Variants in NAALADL2 observed in about 807,000 individuals in gnomAD.
The protein encoded by NAALADL2 is N-acetylated alpha-linked acidic dipeptidase like 2.
NAALADL2 carries 76 observed loss-of-function variants against 87.2 expected under a neutral mutation model. The observed-to-expected ratio is 0.87, with a 90% CI of 0.72 to 1.05. The LOEUF is 1.05. Ranked by LOEUF, NAALADL2 falls within the 50% of genes least tolerant of loss-of-function variation. NAALADL2 has a pLI of 0.00. For missense variants in NAALADL2, 1,089 were observed against 945.8 expected (o/e 1.15, Z -1.99); for synonymous variants, 354 against 331.0 (o/e 1.07, Z -0.75).
At chr3:175,486,730 T>C (rs945645292) in intron 9 of NAALADL2, among the ~76,000 whole-genome samples, 5 of 151,212 alleles carry the variant, frequency 3.3e-5, no homozygotes, top group Admixed American at 1.3e-4. Flanking sequence ...ATATGAAATG[T>C]TTTTTTTTCT....
chr3:175,460,735 A>C (rs1353077991), intron 6 of NAALADL2, among the ~76,000 whole-genome samples: 2 of 152,212 alleles, frequency 1.3e-5, no homozygotes, highest in Non-Finnish European at 2.9e-5. Flanking sequence ...TTTGCCGCAT[A>C]TTCAGAAGTT....
intron 1 of NAALADL2, among the ~76,000 whole-genome samples, chr3:174,986,312 AAT>A (rs949679427): frequency 3.4e-5 from 5 of 148,090 alleles, no homozygotes; most frequent in Admixed American, 6.8e-5. Flanking sequence ...ATATATACAC[AAT>A]ATATATATAC....
chr3:174,830,017 C>A, intron 3 of NAALADL2, among the ~76,000 whole-genome samples: 2 of 125,664 alleles, frequency 1.6e-5, no homozygotes, highest in African/African-American at 6.4e-5. Context: ...TGGATATTAG[C>A]CCTTTGTCAG....
At chr3:175,293,494 T>C (rs896316042) in intron 4 of NAALADL2, among the ~76,000 whole-genome samples, 3 of 152,214 alleles carry the variant, frequency 2.0e-5, no homozygotes, top group African/African-American at 7.2e-5. Flanking sequence ...GTACATTTTT[T>C]TGAGCAACAA....
At chr3:175,291,656 T>A (rs1205174766) in intron 4 of NAALADL2, among the ~76,000 whole-genome samples, 1 of 152,224 alleles carries the variant, frequency 6.6e-6, no homozygotes, top group South Asian at 2.1e-4. Flanking sequence ...ATGTAACATA[T>A]AAGAGCTTTA....
intron 10 of NAALADL2, among the ~76,000 whole-genome samples, chr3:175,622,876 G>A (rs1726424450): frequency 6.6e-6 from 1 of 152,054 alleles, no homozygotes; most frequent in Non-Finnish European, 1.5e-5. Context: ...CAAGGTTTTA[G>A]TAATCTTAAA....
At chr3:175,673,536 T>G (rs1734288341) in intron 11 of NAALADL2, among the ~76,000 whole-genome samples, 1 of 146,072 alleles carries the variant, frequency 6.8e-6, no homozygotes, top group Admixed American at 6.6e-5. Context: ...ACTTTTTTTT[T>G]GTATTTTTTG....
intron 2 of NAALADL2, among the ~76,000 whole-genome samples, chr3:175,226,298 A>G (rs1744148016): frequency 6.6e-6 from 1 of 152,102 alleles, no homozygotes; most frequent in African/African-American, 2.4e-5. Flanking sequence ...TGTGAAATTC[A>G]TTCTATTGTA....
chr3:175,611,738 G>T (rs544915064), intron 10 of NAALADL2, among the ~76,000 whole-genome samples: 1 of 152,106 alleles, frequency 6.6e-6, no homozygotes, highest in Non-Finnish European at 1.5e-5. Flanking sequence ...AAAGGAAATA[G>T]TCTGTTCTAT....
At chr3:174,628,211 C>T (rs991549619) in intron 2 of NAALADL2, among the ~76,000 whole-genome samples, 12 of 152,254 alleles carry the variant, frequency 7.9e-5, no homozygotes, top group African/African-American at 2.9e-4. Context: ...GTCGTTGTGG[C>T]TCACGCTTGT....
At chr3:175,498,992 A>G (rs55946460) in intron 9 of NAALADL2, among the ~76,000 whole-genome samples, 10 of 152,064 alleles carry the variant, frequency 6.6e-5, no homozygotes, top group African/African-American at 2.2e-4. Context: ...TAAATTTACC[A>G]TGCTATGAAT....
chr3:175,439,463 C>T (rs191269026), intron 5 of NAALADL2, among the ~76,000 whole-genome samples: 28 of 151,818 alleles, frequency 1.8e-4, no homozygotes, highest in African/African-American at 6.0e-4. Flanking sequence ...CCACCAACAG[C>T]GTACAAGGGT....
At chr3:175,611,482 G>C (rs993032111) in intron 10 of NAALADL2, among the ~76,000 whole-genome samples, 1 of 151,924 alleles carries the variant, frequency 6.6e-6, no homozygotes, top group African/African-American at 2.4e-5. Flanking sequence ...GCAGGAAATT[G>C]GGTCCAAGTT....
intron 4 of NAALADL2, among the ~76,000 whole-genome samples, chr3:175,300,708 T>G (rs1262411283): frequency 1.3e-5 from 2 of 151,518 alleles, no homozygotes; most frequent in East Asian, 3.9e-4. Flanking sequence ...TAGCAGTCTA[T>G]TTTGTTAATA....
intron 5 of NAALADL2, among the ~76,000 whole-genome samples, chr3:175,380,746 C>T (rs6779521): frequency 0.59 from 89,487 of 151,448 alleles, 26,641 homozygotes; most frequent in African/African-American, 0.65. Flanking sequence ...AAAAAATATA[C>T]TGTCTGAAAG....
At chr3:174,839,526 C>T (rs1723761616) in intron 3 of NAALADL2, among the ~76,000 whole-genome samples, 2 of 151,788 alleles carry the variant, frequency 1.3e-5, no homozygotes, top group South Asian at 4.1e-4. Flanking sequence ...CTTTTGCATG[C>T]CAAAAAGAAC....
intron 12 of NAALADL2, among the ~76,000 whole-genome samples, chr3:175,738,464 C>G (rs376731248): frequency 6.6e-6 from 1 of 152,136 alleles, no homozygotes; most frequent in African/African-American, 2.4e-5. Context: ...CCAGGCTGGT[C>G]GCAAATTACT....
intron 1 of NAALADL2, among the ~76,000 whole-genome samples, chr3:175,044,193 T>G (rs990269771): frequency 6.6e-5 from 10 of 152,114 alleles, no homozygotes; most frequent in African/African-American, 2.4e-4. Flanking sequence ...AGAAACACAG[T>G]GGAATTTGTA....
At chr3:174,681,153 A>G (rs1324734770) in intron 2 of NAALADL2, among the ~76,000 whole-genome samples, 1 of 152,178 alleles carries the variant, frequency 6.6e-6, no homozygotes, top group Admixed American at 6.5e-5. Flanking sequence ...ACCAGCACCC[A>G]GCCAGAGGGG....
Sources: allele counts gnomAD v4.1 joint callset (sites outside exome capture counted in the v4.1 genomes callset), GRCh38; gene constraint gnomAD v4.1.1; transcripts MANE v1.5; gene names NCBI Gene and HGNC (gene_info 2026-07-23, HGNC 2026-07-21).